Variants in TCERG1L observed in about 807,000 individuals in gnomAD.
TCERG1L encodes the protein transcription elongation regulator 1 like, also known as transcription elongation regulator 1-like protein.
Under a neutral mutation model 56.3 loss-of-function variants are expected in TCERG1L, and 37 were observed. The ratio of observed to expected loss-of-function variants is 0.66; its 90% CI spans 0.51 to 0.87. TCERG1L has a LOEUF of 0.87. Ranked by LOEUF, TCERG1L falls within the 40% of genes least tolerant of loss-of-function variation. The pLI is 0.00. For missense variants in TCERG1L, 799 were observed against 774.2 expected (o/e 1.03, Z -0.38); for synonymous variants, 324 against 326.3 (o/e 0.99, Z 0.08).
chr10:131,168,246 T>C (rs1846052530), intron 4 of TCERG1L, among the ~76,000 whole-genome samples: 1 of 152,152 alleles, frequency 6.6e-6, no homozygotes, highest in South Asian at 2.1e-4. Context: ...TTGAAGGGGG[T>C]GAAAGGCAAG....
intron 4 of TCERG1L, among the ~76,000 whole-genome samples, chr10:131,223,281 G>A (rs552654199): frequency 1.6e-4 from 25 of 152,318 alleles, no homozygotes; most frequent in African/African-American, 5.1e-4. Flanking sequence ...AAGCCCAGCC[G>A]TGTCCCCACC....
At chr10:131,232,229 C>T (rs544637604) in intron 4 of TCERG1L, among the ~76,000 whole-genome samples, 36 of 152,334 alleles carry the variant, frequency 2.4e-4, no homozygotes, top group South Asian at 1.2e-3. Flanking sequence ...CTGGGTGGGA[C>T]GTGAGGAGCA....
intron 4 of TCERG1L, among the ~76,000 whole-genome samples, chr10:131,177,179 G>C (rs1362133492): frequency 2.0e-5 from 3 of 150,006 alleles, no homozygotes; most frequent in African/African-American, 7.3e-5. Context: ...GACACACACA[G>C]ACATGCACAC....
chr10:131,180,161 C>A (rs1281859778), intron 4 of TCERG1L, among the ~76,000 whole-genome samples: 3 of 152,136 alleles, frequency 2.0e-5, no homozygotes, highest in Non-Finnish European at 4.4e-5. Context: ...TGAAGTGAGA[C>A]CCCAAGGATG....
At chr10:131,217,189 T>C (rs1301511245) in intron 4 of TCERG1L, among the ~76,000 whole-genome samples, 2 of 152,084 alleles carry the variant, frequency 1.3e-5, no homozygotes, top group African/African-American at 4.8e-5. Context: ...TCCTGCTTGA[T>C]GCTATTCTCG....
chr10:131,246,484 C>A (rs1451026791), intron 4 of TCERG1L, among the ~76,000 whole-genome samples: 1 of 152,104 alleles, frequency 6.6e-6, no homozygotes, highest in South Asian at 2.1e-4. Flanking sequence ...GGACAGCACA[C>A]TACAGTCTCC....
intron 3 of TCERG1L, among the ~76,000 whole-genome samples, chr10:131,289,549 ACCGC>A (rs1216429910): frequency 2.8e-3 from 174 of 61,764 alleles, no homozygotes; most frequent in Middle Eastern, 0.014. Context: ...GTATGTGTGC[ACCGC>A]TGTGTGTGAG....
At chr10:131,157,117 C>G (rs1845931924) in intron 6 of TCERG1L, among the ~76,000 whole-genome samples, 1 of 152,118 alleles carries the variant, frequency 6.6e-6, no homozygotes, top group South Asian at 2.1e-4. Context: ...CACTTCTTAC[C>G]TTTTAACGAC....
chr10:131,095,866 T>C (rs1845240096), intron 11 of TCERG1L: 1 of 152,230 alleles, frequency 6.6e-6, no homozygotes, highest in Non-Finnish European at 1.5e-5. Context: ...CGTGTATGTG[T>C]GTATGTCATC....
At chr10:131,231,711 C>A (rs1055529085) in intron 4 of TCERG1L, among the ~76,000 whole-genome samples, 2 of 152,292 alleles carry the variant, frequency 1.3e-5, no homozygotes, top group South Asian at 2.1e-4. Context: ...GCCAATGAGG[C>A]CGGCACGTGG....
At position 131,134,380 on chromosome 10, in the gene TCERG1L, G is replaced by A. The variant is rs753854139; in HGVS notation, c.1258C>T (p.Arg420Trp). 1.4e-5 allele frequency: 22 copies of A among 1,586,644 alleles called. No homozygotes were observed. Among genetic ancestry groups the A allele is most frequent in the East Asian group, 4.6e-5 (2 of 43,834 alleles). ...CTGGGGAAGAGCACGGCCACCTACC[G>A]GTTCCTCTTGGTTTTCACATCTTGG... ...EDQDVKTKRN[R>W]TEGCGSPKPE... The change falls in exon 8 of 12, where the codon CGG becomes TGG. Residue 420 changes from arginine to tryptophan, a missense_variant and splice_region_variant. By Grantham distance (101) the Arg-to-Trp change is moderately radical. Transcript: ENST00000368642.
At chr10:131,117,055 T>C in intron 8 of TCERG1L, 121 bp from the exon 9 acceptor site, 1 of 1,309,624 alleles carries the variant, frequency 7.6e-7, no homozygotes, top group Non-Finnish European at 1.0e-6. Context: ...TTGACAACTC[T>C]TTATAAAGCC....
At chr10:131,308,558 C>A (rs1447771021) in intron 2 of TCERG1L, among the ~76,000 whole-genome samples, 167 bp from the exon 3 acceptor site, 1 of 152,188 alleles carries the variant, frequency 6.6e-6, no homozygotes, top group East Asian at 1.9e-4. Flanking sequence ...TTCCACAGGG[C>A]TTCAATACCG....
In TCERG1L at chr10:131,126,477, A is replaced by G. The variant is rs112337175; in HGVS notation, c.1259+7902T>C. Among the ~76,000 whole-genome samples the G allele has an allele frequency of 5.2e-3, 795 of 152,134 alleles. 4 individuals carry two copies. Among genetic ancestry groups the G allele is most frequent in the Middle Eastern group, 0.034 (10 of 294 alleles). ...TGGTGGCCTCGTTCTGGCTGGGGGC[A>G]GAATCCCAGTGAGCAGCAAGCTCCG... On this transcript the variant is annotated intron_variant, in intron 8 of 11. Transcript: ENST00000368642.
At chr10:131,268,902 T>C (rs375026542) in intron 3 of TCERG1L, among the ~76,000 whole-genome samples, 35 of 152,210 alleles carry the variant, frequency 2.3e-4, no homozygotes, top group African/African-American at 8.0e-4. Flanking sequence ...CCATTAAAAT[T>C]TTCCCCACAT....
chr10:131,102,441 C>T (rs1319594483), intron 10 of TCERG1L, among the ~76,000 whole-genome samples: 1 of 152,150 alleles, frequency 6.6e-6, no homozygotes, highest in Non-Finnish European at 1.5e-5. Context: ...TCTGTGGGTT[C>T]GTGCTTCACT....
chr10:131,094,438 T>C lies in TCERG1L; in HGVS notation c.1605-1120A>G, dbSNP rs1845220215. Among the ~76,000 whole-genome samples, 3 of 152,202 alleles carry C rather than the reference T, an allele frequency of 2.0e-5. No homozygotes were observed. The South Asian group carries it at 6.2e-4, about 32-fold the overall frequency. On this transcript the variant is annotated intron_variant, in intron 11 of 11. Transcript: ENST00000368642. ...TTATAACTTAATAGCTTCTGAAATA[T>C]ACAAACAACAAGATTATGCCGACAT...
At chr10:131,265,201 A>G (rs1846273309) in intron 3 of TCERG1L, among the ~76,000 whole-genome samples, 1 of 152,218 alleles carries the variant, frequency 6.6e-6, no homozygotes, top group Non-Finnish European at 1.5e-5. Flanking sequence ...AAGTGAGAAA[A>G]TGTGTTTACC....
chr10:131,141,439 T>G (rs80070922), intron 7 of TCERG1L, among the ~76,000 whole-genome samples: 7,147 of 152,192 alleles, frequency 0.047, 194 homozygotes, highest in Middle Eastern at 0.15. Context: ...ACTCCACCCA[T>G]CCATTGTTGC....
Sources: gnomAD v4.1 joint callset for allele counts (sites outside exome capture counted in the v4.1 genomes callset) on GRCh38, gnomAD v4.1.1 for gene constraint, MANE v1.5 for transcripts, NCBI Gene and HGNC (gene_info 2026-07-23, HGNC 2026-07-21) for gene names.